Variants in CASP4 observed in about 807,000 individuals in gnomAD.
The protein encoded by CASP4 is caspase-4.
CASP4 carries 29 observed loss-of-function variants against 41.3 expected under a neutral mutation model. The observed-to-expected ratio is 0.70, with a 90% CI of 0.52 to 0.96. The LOEUF (loss-of-function observed/expected upper bound fraction) is 0.96. CASP4 is among the 40% of genes least tolerant of loss of function. CASP4 has a pLI of 0.00. For missense variants in CASP4, 447 were observed against 460.6 expected (o/e 0.97, Z 0.27); for synonymous variants, 185 against 158.4 (o/e 1.17, Z -1.26).
intron 3 of CASP4, chr11:104,951,396 G>T (rs561196859): frequency 2.2e-5 from 6 of 272,834 alleles, no homozygotes; most frequent in Non-Finnish European, 4.2e-5. Flanking sequence ...CATACAAAAC[G>T]AGATGTTGTC....
chr11:104,952,978 G>A (rs1405242692), intron 2 of CASP4, among the ~76,000 whole-genome samples: 9 of 152,110 alleles, frequency 5.9e-5, no homozygotes, highest in Non-Finnish European at 1.2e-4. Flanking sequence ...CTAATCCAAA[G>A]TTTCCTGTTT....
chr11:104,960,398 A>G (rs1298960350), intron 1 of CASP4, among the ~76,000 whole-genome samples: 1 of 152,162 alleles, frequency 6.6e-6, no homozygotes, highest in Non-Finnish European at 1.5e-5. Context: ...AGGAGACAGC[A>G]TCAGAGATAT....
intron 3 of CASP4, 95 bp downstream of exon 3, chr11:104,951,801 C>T (rs1860619442): frequency 2.5e-6 from 2 of 813,990 alleles, no homozygotes; most frequent in Non-Finnish European, 4.2e-6. Flanking sequence ...CTGTCATCCC[C>T]ACCCCCAATC....
In CASP4 at chr11:104,961,089, G is replaced by A. The variant is rs144443505; in HGVS notation, c.8-6088C>T. Among the ~76,000 whole-genome samples the A allele has an allele frequency of 4.9e-4, 75 of 152,368 alleles. 1 individual carries two copies. Among genetic ancestry groups the A allele is most frequent in the African/African-American group, 1.7e-3 (69 of 41,600 alleles). ...GGAAAGCCTTTGTGGCTACCTGCTT[G>A]TGGTTTGGTGCCCCCGCTCCAGCGA... On this transcript the variant is annotated intron_variant, in intron 1 of 8. Coordinates refer to ENST00000444739, the MANE Select transcript of CASP4 (RefSeq NM_001225.4).
chr11:104,944,671 C>A, intron 8 of CASP4, 77 bp downstream of exon 8: 1 of 918,978 alleles, frequency 1.1e-6, no homozygotes, highest in South Asian at 1.4e-5. Context: ...ACTCAGCTGT[C>A]ATTTGTCATT....
At position 104,951,069 on chromosome 11, in the gene CASP4, G is replaced by GCGGTTGTTT; in HGVS notation, c.393_401dup (p.Asn132_Arg134dup). 6.2e-7 allele frequency: 1 copy of GCGGTTGTTT among 1,613,178 alleles called. No individual in the cohort carries two copies. The highest frequency in any genetic ancestry group is 8.5e-7 in the Non-Finnish European group (1 of 1,179,424). On this transcript the variant is annotated inframe_insertion, in exon 4 of 9. Coordinates refer to ENST00000444739, the MANE Select transcript of CASP4 (RefSeq NM_001225.4). ...TGCATATGATGAGAGCCAGGCGTGT[G>GCGGTTGTTT]CGGTTGTTTCTCTCCTTTATTGGAT...
intron 1 of CASP4, among the ~76,000 whole-genome samples, chr11:104,962,033 C>T (rs1353349724): frequency 6.6e-6 from 1 of 152,174 alleles, no homozygotes; most frequent in Non-Finnish European, 1.5e-5. Flanking sequence ...GGGTGCTGAA[C>T]GAGGTGACTA....
At chr11:104,946,456 T>A (rs1302839336) in intron 7 of CASP4, among the ~76,000 whole-genome samples, 3 of 152,166 alleles carry the variant, frequency 2.0e-5, no homozygotes, top group Admixed American at 6.5e-5. Context: ...CTATTAATAT[T>A]TGCTGAGTGG....
intron 1 of CASP4, among the ~76,000 whole-genome samples, chr11:104,961,135 A>G (rs1450134958): frequency 6.6e-6 from 1 of 152,252 alleles, no homozygotes; most frequent in Non-Finnish European, 1.5e-5. Flanking sequence ...AGGTAGCCCA[A>G]GTAGCCGCCT....
chr11:104,951,682 T>C, intron 3 of CASP4: 1 of 580,294 alleles, frequency 1.7e-6, no homozygotes, highest in South Asian at 2.0e-5. Context: ...AATACCAATT[T>C]TCTTTCAACT....
chr11:104,951,786 G>A (rs752645960), intron 3 of CASP4, 110 bp downstream of exon 3: 1 of 734,712 alleles, frequency 1.4e-6, no homozygotes, highest in Non-Finnish European at 2.4e-6. Flanking sequence ...TATTGAAAAT[G>A]GTTACTGTCA....
chr11:104,951,029 G>T lies in CASP4; in HGVS notation c.442C>A (p.His148Asn), dbSNP rs764797710. The T allele has an allele frequency of 2.5e-6, 4 of 1,613,460 alleles. No individual in the cohort carries two copies. The highest frequency in any genetic ancestry group is 4.5e-5 in the East Asian group (2 of 44,876). The change falls in exon 4 of 9, where the codon CAT becomes AAT. Residue 148 changes from histidine to asparagine, a missense_variant. Transcript: ENST00000444739. The part of the protein sequence containing the change: ...ALIICNTEFD[H>N]LPPRNGADFD... ...TCAGCTCCATTCCTCGGAGGCAGAT[G>T]GTCAAACTCTGTATTGCATATGATG...
chr11:104,953,062 TAC>T (rs904285252), intron 2 of CASP4, among the ~76,000 whole-genome samples: 16 of 152,324 alleles, frequency 1.1e-4, no homozygotes, highest in African/African-American at 3.8e-4. Flanking sequence ...GTGTGTGAGA[TAC>T]AGTGTTTTCA....
At chr11:104,952,398 C>A (rs924999769) in intron 2 of CASP4, among the ~76,000 whole-genome samples, 2 of 152,132 alleles carry the variant, frequency 1.3e-5, no homozygotes, top group Admixed American at 1.3e-4. Context: ...CTATCTACTA[C>A]AAATTTAATG....
At chr11:104,957,707 C>T (rs1359432045) in intron 1 of CASP4, among the ~76,000 whole-genome samples, 3 of 151,770 alleles carry the variant, frequency 2.0e-5, no homozygotes, top group African/African-American at 7.3e-5. Flanking sequence ...TCCCTAATAC[C>T]CAAAGAAATC....
intron 1 of CASP4, among the ~76,000 whole-genome samples, chr11:104,961,485 G>GGGGTGTCTGTAGCCCCATTGCA (rs1226912214): frequency 1.3e-5 from 2 of 151,950 alleles, no homozygotes; most frequent in Admixed American, 6.6e-5. Context: ...GCTCTATGAT[G>GGGGTGTCTGTAGCCCCATTGCA]GGGTGTCTGT....
In CASP4 at chr11:104,951,970, C is replaced by G; in HGVS notation, c.298G>C (p.Gly100Arg). The change falls in exon 3 of 9, where the codon GGA becomes CGA. Residue 100 changes from glycine to arginine, a missense_variant. Coordinates refer to ENST00000444739, the MANE Select transcript of CASP4 (RefSeq NM_001225.4). ...AGCTTGAGGGCATCTGTAGATTCTCCTGACTCAGGTGGTCCAGCCTCCATA... is the reference window on the plus strand; with the variant it reads ...AGCTTGAGGGCATCTGTAGATTCTCGTGACTCAGGTGGTCCAGCCTCCATA... ...PNMEAGPPESGESTDALKLCP... is the reference protein window; with the variant it reads ...PNMEAGPPESRESTDALKLCP... 6.2e-7 allele frequency: 1 copy of G among 1,612,712 alleles called. No individual in the cohort carries two copies. The highest frequency in any genetic ancestry group is 8.5e-7 in the Non-Finnish European group (1 of 1,179,200).
At chr11:104,949,905 T>A in intron 4 of CASP4, 128 bp from the exon 5 acceptor site, 1 of 829,584 alleles carries the variant, frequency 1.2e-6, no homozygotes, top group South Asian at 1.6e-5. Flanking sequence ...TAGTGCTTAC[T>A]CAGTCATGAC....
chr11:104,947,194 TATA>T lies in CASP4; in HGVS notation c.926-5_926-3del. On this transcript the variant is annotated splice_region_variant and splice_polypyrimidine_tract_variant and intron_variant, in intron 6 of 8. Transcript: ENST00000444739. ...TGCTGTCTCTCCAGGACACGTTGTC[TATA>T]ATGATACAGATGGGTATGCCTTGGG... is the stretch of plus-strand genomic sequence containing the variant. The T allele has an allele frequency of 2.3e-5, 36 of 1,573,204 alleles. No homozygotes were observed. Among genetic ancestry groups the T allele is most frequent in the Non-Finnish European group, 3.1e-5 (36 of 1,144,650 alleles).
Sources: gnomAD v4.1 joint callset for allele counts (sites outside exome capture counted in the v4.1 genomes callset) on GRCh38, gnomAD v4.1.1 for gene constraint, MANE v1.5 for transcripts, NCBI Gene and HGNC (gene_info 2026-07-23, HGNC 2026-07-21) for gene names.